Variants in TRAPPC2L observed in about 807,000 individuals in gnomAD.
The protein encoded by TRAPPC2L is trafficking protein particle complex subunit 2L.
Under a neutral mutation model 13.2 loss-of-function variants are expected in TRAPPC2L, and 17 were observed. The ratio of observed to expected loss-of-function variants is 1.29; its 90% CI spans 0.88 to 1.93. The LOEUF (loss-of-function observed/expected upper bound fraction) is 1.93. Among genes scored for constraint, TRAPPC2L ranks in the 30% most tolerant of loss-of-function variants. The pLI, the probability that TRAPPC2L is intolerant of heterozygous loss-of-function variation, is 0.00. For synonymous variants in TRAPPC2L, 150 were observed against 98.1 expected, an observed-to-expected ratio of 1.53 and a Z score of -3.12; for missense variants, 359 against 252.1, an observed-to-expected ratio of 1.42 and a Z score of -2.87.
At chr16:88,860,328 T>A (rs963302606) in exon 4 of TRAPPC2L, 1 of 686,178 alleles carries the variant, frequency 1.5e-6, no homozygotes, top group Admixed American at 2.1e-5. Context: ...TACCTGATCT[T>A]TTATGTTGAA....
At chr16:88,857,100 G>A (rs767548852), upstream of TRAPPC2L, 2 of 1,552,488 alleles carry the variant, frequency 1.3e-6, no homozygotes, top group Non-Finnish European at 8.7e-7. Context: ...TGGAGGCCGC[G>A]TGACCAGCGG....
chr16:88,858,602 G>A lies in TRAPPC2L; in HGVS notation c.34-17G>A, dbSNP rs201997915. On this transcript the variant is annotated splice_polypyrimidine_tract_variant and intron_variant, in intron 1 of 3. Coordinates refer to ENST00000565504, the Ensembl canonical transcript of TRAPPC2L. ...GTGGAGTCTTGTCCTTTCAGTCGCC[G>A]TCATCCTTTCTTGCAGAATTACCCC... The A allele has an allele frequency of 1.6e-4, 265 of 1,610,332 alleles. No homozygotes were observed. The highest frequency in any genetic ancestry group is 9.0e-4 in the Admixed American group (54 of 59,972).
At chr16:88,860,348 G>C (rs932038871) in exon 4 of TRAPPC2L, 1 of 667,826 alleles carries the variant, frequency 1.5e-6, no homozygotes, top group South Asian at 1.6e-5. Flanking sequence ...ATTTGGAACA[G>C]TCAGGAACCT....
At chr16:88,860,063 G>T in exon 4 of TRAPPC2L, 1 of 1,212,994 alleles carries the variant, frequency 8.2e-7, no homozygotes. Context: ...TGGAAAATAA[G>T]GGAGGAAAGA....
At chr16:88,858,916 G>A in intron 2 of TRAPPC2L, 125 bp downstream of exon 2, 1 of 1,084,222 alleles carries the variant, frequency 9.2e-7, no homozygotes, top group Non-Finnish European at 1.3e-6. Context: ...CAGGGAATTA[G>A]GGTAGCTTGA....
exon 4 of TRAPPC2L, chr16:88,860,496 G>A (rs1968310556): frequency 5.0e-6 from 3 of 600,440 alleles, no homozygotes; most frequent in African/African-American, 3.7e-5. Flanking sequence ...AATTCCCTGT[G>A]GTTGGCAGGG....
At chr16:88,861,764 G>C (rs1308877235) in exon 4 of TRAPPC2L, 3 of 443,094 alleles carry the variant, frequency 6.8e-6, no homozygotes, top group African/African-American at 6.0e-5. Context: ...TCCAGCACTG[G>C]TCCAGGACTG....
chr16:88,856,524 C>A, upstream of TRAPPC2L: 1 of 697,694 alleles, frequency 1.4e-6, no homozygotes, highest in East Asian at 2.7e-5. Flanking sequence ...CGCCGAGACC[C>A]CACGCCTGGA....
chr16:88,860,822 T>C, exon 4 of TRAPPC2L: 3 of 1,396,924 alleles, frequency 2.1e-6, no homozygotes, highest in Middle Eastern at 3.5e-4. Context: ...GTCCCGAGCA[T>C]CCTGTGGATG....
exon 4 of TRAPPC2L, chr16:88,860,546 C>T: frequency 5.1e-6 from 3 of 592,982 alleles, no homozygotes; most frequent in East Asian, 2.8e-5. Flanking sequence ...CCCCTCCCTC[C>T]ACCAGGACAC....
intron 2 of TRAPPC2L, chr16:88,859,162 T>C (rs1289758504): frequency 9.3e-6 from 4 of 431,374 alleles, no homozygotes; most frequent in African/African-American, 4.0e-5. Context: ...TTGCCTCTTA[T>C]GTCACTAGAC....
At chr16:88,861,453 G>T (rs1248400830) in exon 4 of TRAPPC2L, 1 of 347,174 alleles carries the variant, frequency 2.9e-6, no homozygotes, top group Admixed American at 3.9e-5. Flanking sequence ...TCCATTCTTT[G>T]CATCTGGCTC....
At chr16:88,859,065 G>C (rs1452748363) in intron 2 of TRAPPC2L, 2 of 503,808 alleles carry the variant, frequency 4.0e-6, no homozygotes, top group Non-Finnish European at 7.2e-6. Context: ...CTTCTGCTTT[G>C]TACCTGCAAG....
chr16:88,857,082 C>T (rs1967965239), upstream of TRAPPC2L: 2 of 1,527,108 alleles, frequency 1.3e-6, no homozygotes, highest in Admixed American at 3.9e-5. Flanking sequence ...GCGGATGGGG[C>T]GGGGCTTTGG....
chr16:88,860,917 C>T (rs145436039), exon 4 of TRAPPC2L: 95 of 1,593,584 alleles, frequency 6.0e-5, no homozygotes, highest in Non-Finnish European at 7.8e-5. Flanking sequence ...TTAGCAGGGC[C>T]TTTGATAACA....
upstream of TRAPPC2L, chr16:88,856,654 TC>T: frequency 3.5e-6 from 1 of 281,958 alleles, no homozygotes; most frequent in Non-Finnish European, 6.9e-6. Flanking sequence ...CCCTCACCTC[TC>T]CCCCCACCCC....
exon 4 of TRAPPC2L, chr16:88,861,305 G>A: frequency 2.6e-6 from 1 of 386,002 alleles, no homozygotes; most frequent in Non-Finnish European, 4.9e-6. Context: ...GACCATGTGG[G>A]TCACCCACTG....
chr16:88,857,098 G>A (rs1967966459), upstream of TRAPPC2L: 22 of 1,549,768 alleles, frequency 1.4e-5, no homozygotes, highest in East Asian at 2.5e-5. Flanking sequence ...TTTGGAGGCC[G>A]CGTGACCAGC....
At position 88,859,768 on chromosome 16, in the gene TRAPPC2L, AG is replaced by A; in HGVS notation, c.294+21del. The A allele has an allele frequency of 6.2e-7, 1 of 1,610,564 alleles. No individual in the cohort carries two copies. The highest frequency in any genetic ancestry group is 2.2e-5 in the East Asian group (1 of 44,826). On this transcript the variant is annotated intron_variant, in intron 3 of 3. Transcript: ENST00000565504. ...TTCGCAGCGTAAGTCAGGGAGTTAGAGGGCCACGCCCGAGTGGGTGTTTTGT... is the reference window on the plus strand; with the variant it reads ...TTCGCAGCGTAAGTCAGGGAGTTAGAGGCCACGCCCGAGTGGGTGTTTTGT...
Sources: allele counts gnomAD v4.1 joint callset, GRCh38; gene constraint gnomAD v4.1.1; transcripts MANE v1.5; gene names NCBI Gene and HGNC (gene_info 2026-07-23, HGNC 2026-07-21).